Variants in COLEC10 observed in about 807,000 individuals in gnomAD.
COLEC10 encodes the protein collectin subfamily member 10, also known as collectin-10.
Under a neutral mutation model 28.4 loss-of-function variants are expected in COLEC10, and 22 were observed. That is an observed-to-expected ratio of 0.78 (90% CI 0.55 to 1.11). The LOEUF (loss-of-function observed/expected upper bound fraction) is 1.11, where lower values mean the gene tolerates loss of function less well. Ranked by LOEUF, COLEC10 falls within the 50% of genes least tolerant of loss-of-function variation. The probability of loss-of-function intolerance (pLI) is 0.00; values close to 1 mark genes in which losing one functional copy is unlikely to be tolerated. For missense variants in COLEC10, 361 were observed against 344.1 expected (o/e 1.05, Z -0.39); for synonymous variants, 125 against 116.1 (o/e 1.08, Z -0.49).
chr8:119,065,482 G>GATTCT (rs1429809958), upstream of COLEC10, among the ~76,000 whole-genome samples: 1 of 152,018 alleles, frequency 6.6e-6, no homozygotes, highest in Non-Finnish European at 1.5e-5. Context: ...GTCTCCCACT[G>GATTCT]ATTCTACATT....
chr8:118,962,481 T>A, the COLEC10 span, among the ~76,000 whole-genome samples: 1 of 152,204 alleles, frequency 6.6e-6, no homozygotes. Context: ...ACAATAAATA[T>A]GTAAGCTGTT....
At chr8:119,003,292 A>G (rs1239875007) in intron 1 of COLEC10, among the ~76,000 whole-genome samples, 1 of 152,122 alleles carries the variant, frequency 6.6e-6, no homozygotes, top group Admixed American at 6.6e-5. Flanking sequence ...GTCAGAAACT[A>G]TGTGGATGGA....
chr8:119,097,014 GA>G (rs981316226), intron 3 of COLEC10, among the ~76,000 whole-genome samples: 2 of 151,828 alleles, frequency 1.3e-5, no homozygotes, highest in East Asian at 1.9e-4. Flanking sequence ...ATTCTATACA[GA>G]AAAAAACTAT....
chr8:119,062,555 C>G (rs532479912), upstream of COLEC10, among the ~76,000 whole-genome samples: 36 of 152,046 alleles, frequency 2.4e-4, no homozygotes, highest in Non-Finnish European at 4.7e-4. Context: ...TCTTGGCTCA[C>G]TGCGACCTCC....
chr8:118,962,576 C>A, the COLEC10 span, among the ~76,000 whole-genome samples: 25 of 152,240 alleles, frequency 1.6e-4, no homozygotes, highest in Admixed American at 1.1e-3. Flanking sequence ...ACCTCCCAAC[C>A]ATTCCTTGCA....
Position 119,017,178 on chromosome 8 carries a change from G to A in COLEC10, n.235+7625G>A, listed in dbSNP as rs147932353. On this transcript the variant is annotated intron_variant and non_coding_transcript_variant, in intron 2 of 6. Transcript: ENST00000521788. The stretch of plus-strand genomic sequence containing the variant: ...CTGAAGCATAGAATGACTAAGTGAC[G>A]TATCCGAGGATATATTGCTAGGGAT... 9.1e-4 allele frequency among the ~76,000 whole-genome samples: 139 copies of A among 152,220 alleles called. 1 individual carries two copies. The highest frequency in any genetic ancestry group is 3.4e-3 in the Middle Eastern group (1 of 294).
the COLEC10 span, among the ~76,000 whole-genome samples, chr8:118,990,233 A>G: frequency 6.6e-6 from 1 of 152,186 alleles, no homozygotes; most frequent in Non-Finnish European, 1.5e-5. Context: ...ATTATCCAAT[A>G]AAAACAACAT....
chr8:119,074,770 T>G (rs144699935), intron 1 of COLEC10, among the ~76,000 whole-genome samples: 48 of 152,318 alleles, frequency 3.2e-4, no homozygotes, highest in African/African-American at 1.1e-3. Flanking sequence ...TTGCTTCCTT[T>G]CTGTAGCTCT....
chr8:119,061,133 A>G (rs1260118338), intron 2 of COLEC10, among the ~76,000 whole-genome samples: 2 of 152,092 alleles, frequency 1.3e-5, no homozygotes, highest in African/African-American at 2.4e-5. Context: ...GTATTTATAA[A>G]TAATTTATAA....
At chr8:119,056,211 AG>A (rs889915622) in intron 2 of COLEC10, among the ~76,000 whole-genome samples, 1 of 152,028 alleles carries the variant, frequency 6.6e-6, no homozygotes, top group Non-Finnish European at 1.5e-5. Flanking sequence ...GATAATGTCC[AG>A]GGTACCCTTA....
chr8:118,974,763 C>T, the COLEC10 span, among the ~76,000 whole-genome samples: 1 of 152,012 alleles, frequency 6.6e-6, no homozygotes, highest in African/African-American at 2.4e-5. Context: ...AAGTGGCAGC[C>T]ATAATAAAAC....
At chr8:119,009,710 C>T (rs1813870653) in intron 2 of COLEC10, among the ~76,000 whole-genome samples, 1 of 150,646 alleles carries the variant, frequency 6.6e-6, no homozygotes, top group African/African-American at 2.5e-5. Flanking sequence ...CTTTGGGAGA[C>T]TGGGTAAATC....
chr8:118,987,146 A>G, the COLEC10 span, among the ~76,000 whole-genome samples: 1 of 152,176 alleles, frequency 6.6e-6, no homozygotes, highest in Non-Finnish European at 1.5e-5. Context: ...CTGGAGAGTG[A>G]AAACAAAAAA....
intron 2 of COLEC10, among the ~76,000 whole-genome samples, chr8:119,034,271 T>A (rs1377242508): frequency 6.6e-6 from 1 of 152,050 alleles, no homozygotes; most frequent in African/African-American, 2.4e-5. Flanking sequence ...GGATAGCATT[T>A]GGAGAAATTC....
At chr8:119,104,321 G>A (rs1037538625) in intron 5 of COLEC10, among the ~76,000 whole-genome samples, 1 of 152,120 alleles carries the variant, frequency 6.6e-6, no homozygotes, top group Non-Finnish European at 1.5e-5. Context: ...AATTGTTTAT[G>A]TAGTATGTAG....
chr8:119,097,382 A>G (rs1318575110), intron 3 of COLEC10, among the ~76,000 whole-genome samples: 1 of 152,112 alleles, frequency 6.6e-6, no homozygotes, highest in Non-Finnish European at 1.5e-5. Flanking sequence ...GTGGACAGAT[A>G]AAACAGCAAT....
upstream of COLEC10, among the ~76,000 whole-genome samples, chr8:118,994,092 C>T (rs182897772): frequency 8.5e-5 from 13 of 152,242 alleles, no homozygotes; most frequent in Admixed American, 7.2e-4. Context: ...TTAGGGGTAC[C>T]TTGATTAAGG....
chr8:118,972,672 T>C, the COLEC10 span, among the ~76,000 whole-genome samples: 9 of 152,056 alleles, frequency 5.9e-5, no homozygotes, highest in South Asian at 6.2e-4. Flanking sequence ...CTTTCTCCCA[T>C]AGGTCATATT....
chr8:118,997,701 T>C (rs1251695343), intron 1 of COLEC10, among the ~76,000 whole-genome samples: 1 of 152,204 alleles, frequency 6.6e-6, no homozygotes, highest in Non-Finnish European at 1.5e-5. Flanking sequence ...GCTGGTCTTT[T>C]GCTATAGCTC....
Sources: allele counts gnomAD v4.1 joint callset (sites outside exome capture counted in the v4.1 genomes callset), GRCh38; gene constraint gnomAD v4.1.1; transcripts MANE v1.5; gene names NCBI Gene and HGNC (gene_info 2026-07-23, HGNC 2026-07-21).